The following ATF7IP2 variants were observed in gnomAD, a reference collection of about 807,000 sequenced individuals.
ATF7IP2 encodes activating transcription factor 7 interacting protein 2.
A neutral mutation model predicts 64.2 loss-of-function variants in ATF7IP2; 42 were observed. The observed-to-expected ratio is 0.65, with a 90% CI of 0.51 to 0.85. The LOEUF is 0.85. ATF7IP2 is among the 40% of genes least tolerant of loss of function. The pLI is 0.00. For synonymous variants in ATF7IP2, 308 were observed against 272.8 expected (o/e 1.13, Z -1.27); for missense variants, 933 against 784.2 (o/e 1.19, Z -2.27).
intron 9 of ATF7IP2, among the ~76,000 whole-genome samples, chr16:10,461,382 C>T (rs948681562): frequency 1.3e-5 from 2 of 151,956 alleles, no homozygotes; most frequent in Non-Finnish European, 2.9e-5. Flanking sequence ...GTTGATATGC[C>T]ATAGAATATA....
chr16:10,429,841 T>C (rs2048188074), intron 4 of ATF7IP2, among the ~76,000 whole-genome samples: 1 of 149,892 alleles, frequency 6.7e-6, no homozygotes, highest in South Asian at 2.1e-4. Context: ...TGTTTTATTT[T>C]ATTTTATTTT....
At chr16:10,392,912 G>C (rs1240625790) in intron 1 of ATF7IP2, among the ~76,000 whole-genome samples, 1 of 151,874 alleles carries the variant, frequency 6.6e-6, no homozygotes, top group Non-Finnish European at 1.5e-5. Context: ...TTTGAGTCCC[G>C]GAGGTTGAGG....
chr16:10,401,625 T>C (rs1211544995), intron 1 of ATF7IP2, among the ~76,000 whole-genome samples: 1 of 152,170 alleles, frequency 6.6e-6, no homozygotes, highest in African/African-American at 2.4e-5. Context: ...TAGAATGTGT[T>C]AGGAAGAATT....
chr16:10,408,494 C>G (rs2047687568), intron 1 of ATF7IP2, among the ~76,000 whole-genome samples: 1 of 152,110 alleles, frequency 6.6e-6, no homozygotes, highest in Non-Finnish European at 1.5e-5. Flanking sequence ...ACATCCACAC[C>G]AACATCTATT....
chr16:10,459,287 T>A (rs1008094009), intron 9 of ATF7IP2, among the ~76,000 whole-genome samples: 5 of 151,812 alleles, frequency 3.3e-5, no homozygotes, highest in Non-Finnish European at 5.9e-5. Flanking sequence ...GCTAACATGG[T>A]GAAACGCCGT....
At position 10,448,601 on chromosome 16, in the gene ATF7IP2, T is replaced by A. The variant is rs553532626; in HGVS notation, c.1194+8139T>A. Reference sequence around the variant, plus strand: ...TAGGAATGCTTGTGATTTTTGCACATTGATTTTGTATCCTGAGACTTTGCT... The same window carrying A: ...TAGGAATGCTTGTGATTTTTGCACAATGATTTTGTATCCTGAGACTTTGCT... On this transcript the variant is annotated intron_variant, in intron 8 of 13. Transcript: ENST00000562102. The A allele has an allele frequency of 8.5e-5, 13 of 152,322 alleles. No individual in the cohort carries two copies. In the South Asian group the frequency reaches 2.7e-3, roughly 32 times the overall value. The allele number at this position is 152,322 out of a possible 1,614,324, so 9.4% of individuals were successfully genotyped here. A position where few individuals can be genotyped will look rare whatever the true frequency, so the allele number is the denominator to read the frequency against.
rs1421981318 is a variant in ATF7IP2, at chr16:10,438,243, T to G, written c.1095+8T>G. On this transcript the variant is annotated splice_region_variant and intron_variant, in intron 7 of 13. Transcript: ENST00000562102. ...ATAGCTGATAAACTTTTGGTAAGTT[T>G]TGATTTCATTTGAGTCTTTTTTAGG... 6.3e-7 allele frequency: 1 copy of G among 1,594,264 alleles called. No homozygotes were observed. Among genetic ancestry groups the G allele is most frequent in the Non-Finnish European group, 8.5e-7 (1 of 1,172,688 alleles).
chr16:10,428,285 C>G (rs1045906742), intron 3 of ATF7IP2, among the ~76,000 whole-genome samples: 1 of 152,114 alleles, frequency 6.6e-6, no homozygotes, highest in Non-Finnish European at 1.5e-5. Flanking sequence ...TATTACAAGT[C>G]TTTTGTATGC....
chr16:10,402,421 G>C (rs557883503), intron 1 of ATF7IP2, among the ~76,000 whole-genome samples: 62 of 152,070 alleles, frequency 4.1e-4, no homozygotes, highest in African/African-American at 1.4e-3. Flanking sequence ...GTTTTATTCT[G>C]CTGTGGTCTG....
At chr16:10,426,763 A>G (rs979114398) in intron 3 of ATF7IP2, among the ~76,000 whole-genome samples, 1 of 152,210 alleles carries the variant, frequency 6.6e-6, no homozygotes, top group African/African-American at 2.4e-5. Flanking sequence ...TAACTTGACT[A>G]TATTAAAATT....
At chr16:10,461,857 CTG>C (rs1266030220) in intron 9 of ATF7IP2, among the ~76,000 whole-genome samples, 1 of 152,056 alleles carries the variant, frequency 6.6e-6, no homozygotes, top group African/African-American at 2.4e-5. Flanking sequence ...TTAATATAAT[CTG>C]AAAATAATTA....
rs150499991 is a variant in ATF7IP2, at chr16:10,451,774, T to C, written c.1195-5598T>C. Among the ~76,000 whole-genome samples the C allele has an allele frequency of 2.5e-3, 384 of 152,146 alleles. 1 individual carries two copies. Among genetic ancestry groups the C allele is most frequent in the Non-Finnish European group, 4.2e-3 (283 of 67,994 alleles). ...TTGCATTGAGTTAGAAGATGCTCCT[T>C]TAGGCTGGGTACACTGGCTCACACC... is the stretch of plus-strand genomic sequence containing the variant. On this transcript the variant is annotated intron_variant, in intron 8 of 13. Coordinates refer to ENST00000562102, the MANE Select transcript of ATF7IP2 (RefSeq NM_001393719.1).
intron 1 of ATF7IP2, among the ~76,000 whole-genome samples, chr16:10,398,191 C>G (rs1022082850): frequency 1.3e-5 from 2 of 151,864 alleles, no homozygotes; most frequent in East Asian, 1.9e-4. Context: ...GTAATCCCAG[C>G]AACTCGGGAG....
At chr16:10,422,640 A>G (rs1230641911) in intron 3 of ATF7IP2, among the ~76,000 whole-genome samples, 1 of 152,228 alleles carries the variant, frequency 6.6e-6, no homozygotes, top group Non-Finnish European at 1.5e-5. Flanking sequence ...CTGTAGAGAA[A>G]TGAATGAAAT....
chr16:10,482,462 C>T lies in ATF7IP2; in HGVS notation c.*213C>T, dbSNP rs1279451616. The T allele has an allele frequency of 3.6e-5, 15 of 420,750 alleles. No homozygotes were observed. Among genetic ancestry groups the T allele is most frequent in the East Asian group, 2.6e-4 (6 of 23,236 alleles). 26.1% of individuals were successfully genotyped at this position (420,750 alleles called of 1,614,324 possible). A position where few individuals can be genotyped will look rare whatever the true frequency, so the allele number is the denominator to read the frequency against. ...TCCAATGGATAAGTTCTAAAACATA[C>T]GCTATCATTGGCCCATGTTGCTGAG... On this transcript the variant is annotated 3_prime_UTR_variant, in exon 14 of 14. Transcript: ENST00000562102.
intron 6 of ATF7IP2, among the ~76,000 whole-genome samples, chr16:10,437,282 G>A (rs535346802): frequency 1.3e-5 from 2 of 152,280 alleles, no homozygotes; most frequent in Non-Finnish European, 2.9e-5. Flanking sequence ...GCCTCCCAGA[G>A]TGTTGGGATT....
rs1476575065 is a variant in ATF7IP2 at position 10,412,010 on chromosome 16, G to GGTTTTTTTTTTTTTTTTTTT, written c.-241-2564_-241-2563insGTTTTTTTTTTTTTTTTTTT. ...CTTTTTGTTTCATTTATCTTTTTTT[G>GGTTTTTTTTTTTTTTTTTTT]TTTTTTTTTTTTTTTTTTTTTTTTT... On this transcript the variant is annotated intron_variant, in intron 1 of 13. Coordinates refer to ENST00000562102, the MANE Select transcript of ATF7IP2 (RefSeq NM_001393719.1). 1.5e-3 allele frequency among the ~76,000 whole-genome samples: 85 copies of GGTTTTTTTTTTTTTTTTTTT among 58,392 alleles called. 10 individuals are homozygous for GGTTTTTTTTTTTTTTTTTTT. The highest frequency in any genetic ancestry group is 2.0e-3 in the Non-Finnish European group (60 of 30,168). The allele number at this position is 58,392 out of a possible 152,430, so 38.3% of individuals were successfully genotyped here. A position where few individuals can be genotyped will look rare whatever the true frequency, so the allele number is the denominator to read the frequency against.
rs552064091 is a variant in ATF7IP2 at position 10,477,998 on chromosome 16, A to G, written c.1550-2881A>G. ...ACTACAAACCACTGCTCAATGAAATAAAAGAGGATACAAACAAATGGAAGA... is the reference window on the plus strand; with the variant it reads ...ACTACAAACCACTGCTCAATGAAATGAAAGAGGATACAAACAAATGGAAGA... On this transcript the variant is annotated intron_variant, in intron 12 of 13. Transcript: ENST00000562102. Among the ~76,000 whole-genome samples, 42 of 148,784 alleles carry G rather than the reference A, an allele frequency of 2.8e-4. No individual in the cohort carries two copies. The East Asian group carries it at 7.3e-3, about 26-fold the overall frequency.
intron 3 of ATF7IP2, among the ~76,000 whole-genome samples, chr16:10,424,649 C>A (rs762637401): frequency 2.0e-5 from 3 of 152,104 alleles, no homozygotes; most frequent in African/African-American, 7.2e-5. Flanking sequence ...AATAAAAACG[C>A]AAATAACACA....
Sources: gnomAD v4.1 joint callset for allele counts (sites outside exome capture counted in the v4.1 genomes callset) on GRCh38, gnomAD v4.1.1 for gene constraint, MANE v1.5 for transcripts, NCBI Gene and HGNC (gene_info 2026-07-23, HGNC 2026-07-21) for gene names.